Variants in KIF21A observed in about 807,000 individuals in gnomAD.
The protein encoded by KIF21A is kinesin family member 21A.
A neutral mutation model predicts 202.9 loss-of-function variants in KIF21A; 114 were observed. The ratio of observed to expected loss-of-function variants is 0.56; its 90% CI spans 0.48 to 0.66. KIF21A has a LOEUF of 0.66. Among genes scored for constraint, KIF21A ranks in the 30% least tolerant of loss-of-function variants. The pLI is 0.00. For synonymous variants in KIF21A, 667 were observed against 670.8 expected (o/e 0.99, Z 0.09); for missense variants, 1,677 against 1,994.9 (o/e 0.84, Z 3.04).
intron 8 of KIF21A, among the ~76,000 whole-genome samples, chr12:39,357,912 A>G (rs1213130834): frequency 9.0e-5 from 2 of 22,302 alleles, no homozygotes; most frequent in Non-Finnish European, 1.7e-4. Context: ...CCATCTCAAA[A>G]AAAAAAAAAA....
chr12:39,341,232 C>A, intron 14 of KIF21A, 138 bp from the exon 15 acceptor site: 2 of 784,130 alleles, frequency 2.6e-6, no homozygotes, highest in South Asian at 1.7e-5. Context: ...CCTGGAAAAA[C>A]CAACAACCAA....
intron 10 of KIF21A, 45 bp from the exon 11 acceptor site, chr12:39,352,025 G>A: frequency 1.5e-6 from 2 of 1,330,660 alleles, no homozygotes; most frequent in Non-Finnish European, 2.2e-6. Context: ...TTTTCTCTGT[G>A]GATAAAAATA....
rs556450607 is a variant in KIF21A at position 39,305,186 on chromosome 12, T to A, written c.4443-248A>T. Among the ~76,000 whole-genome samples the A allele has an allele frequency of 2.4e-3, 370 of 151,598 alleles. 1 individual carries two copies. Among genetic ancestry groups the A allele is most frequent in the South Asian group, 8.8e-3 (42 of 4,784 alleles). ...TTTGAGACCAGCCTGGCCAACATGGTGAAACCCCGTCTCTACTAAAAATAT... is the reference window on the plus strand; with the variant it reads ...TTTGAGACCAGCCTGGCCAACATGGAGAAACCCCGTCTCTACTAAAAATAT... On this transcript the variant is annotated intron_variant, in intron 34 of 37. Coordinates refer to ENST00000361418, the MANE Select transcript of KIF21A (RefSeq NM_001173464.2).
In KIF21A at chr12:39,293,578, T is replaced by TA. The variant is rs886049334; in HGVS notation, c.*845dup. ...TATTTAAAATATATTTAGCAGCATATAAAAAATTAGATAAAAGGGAAGGAA... is the reference window on the plus strand; with the variant it reads ...TATTTAAAATATATTTAGCAGCATATAAAAAAATTAGATAAAAGGGAAGGAA... On this transcript the variant is annotated 3_prime_UTR_variant, in exon 38 of 38. Coordinates refer to ENST00000361418, the MANE Select transcript of KIF21A (RefSeq NM_001173464.2). The TA allele has an allele frequency of 6.6e-6, 1 of 152,148 alleles. No individual in the cohort carries two copies. Among genetic ancestry groups the TA allele is most frequent in the African/African-American group, 2.4e-5 (1 of 41,294 alleles). 9.4% of individuals were successfully genotyped at this position (152,148 alleles called of 1,614,324 possible).
chr12:39,318,226 T>C, intron 28 of KIF21A, 25 bp from the exon 29 acceptor site: 1 of 1,609,274 alleles, frequency 6.2e-7, no homozygotes, highest in South Asian at 1.1e-5. Context: ...GAACATTAAG[T>C]AGGTGGCTTT....
chr12:39,363,081 T>C lies in KIF21A; in HGVS notation c.1019+17A>G. On this transcript the variant is annotated intron_variant, in intron 7 of 37. Coordinates refer to ENST00000361418, the MANE Select transcript of KIF21A (RefSeq NM_001173464.2). ...AATAATCAAAAGTCTGAGTAGAGGATAATCATCTATGCATACCTATTACCC... is the reference window on the plus strand; with the variant it reads ...AATAATCAAAAGTCTGAGTAGAGGACAATCATCTATGCATACCTATTACCC... 7.2e-7 allele frequency: 1 copy of C among 1,392,086 alleles called. No homozygotes were observed. The highest frequency in any genetic ancestry group is 1.0e-6 in the Non-Finnish European group (1 of 977,470). The allele number at this position is 1,392,086 out of a possible 1,614,324, so 86.2% of individuals were successfully genotyped here.
At chr12:39,427,371 G>A (rs1954847351) in intron 1 of KIF21A, among the ~76,000 whole-genome samples, 1 of 152,126 alleles carries the variant, frequency 6.6e-6, no homozygotes, top group Admixed American at 6.5e-5. Flanking sequence ...CAAAATGCCT[G>A]TAATATACTC....
chr12:39,358,871 C>G (rs1352965859), intron 7 of KIF21A, among the ~76,000 whole-genome samples: 1 of 151,768 alleles, frequency 6.6e-6, no homozygotes, highest in African/African-American at 2.4e-5. Flanking sequence ...TCATTTGTGA[C>G]TGAATGATCA....
At chr12:39,341,443 T>C in intron 14 of KIF21A, 62 bp downstream of exon 14, 1 of 1,499,556 alleles carries the variant, frequency 6.7e-7, no homozygotes, top group Non-Finnish European at 9.2e-7. Context: ...TTAAGAGTTT[T>C]CTGTCATGGT....
intron 11 of KIF21A, among the ~76,000 whole-genome samples, chr12:39,347,887 G>A (rs1232291736): frequency 6.6e-6 from 1 of 151,900 alleles, no homozygotes; most frequent in Non-Finnish European, 1.5e-5. Context: ...GATTTAATGT[G>A]TGAATGGTAA....
chr12:39,343,295 G>A (rs981552264), intron 12 of KIF21A, among the ~76,000 whole-genome samples: 5 of 151,974 alleles, frequency 3.3e-5, no homozygotes, highest in Admixed American at 1.3e-4. Context: ...GGGAGGTAGA[G>A]GTTGCAGTAA....
chr12:39,315,963 C>G lies in KIF21A; in HGVS notation c.3916G>C (p.Glu1306Gln). ...NTSVQQDKSD[E>Q]SDSSLSEVHR... ...ACCTCCGAGAGAGAGGAGTCACTTT[C>G]ATCAGACCTATAGTGAAAGAGTTAG... The change falls in exon 30 of 38, where the codon GAA (glutamate) becomes CAA (glutamine). Residue 1306 changes from glutamate (E) to glutamine (Q), a missense_variant. Around this residue, in one of 3 missense-constraint regions of KIF21A, gnomAD observed 705 missense variants for 791.9 expected, o/e 0.89. Transcript: ENST00000361418. The G allele has an allele frequency of 6.2e-7, 1 of 1,602,010 alleles. No homozygotes were observed. Among genetic ancestry groups the G allele is most frequent in the Non-Finnish European group, 8.6e-7 (1 of 1,169,412 alleles).
At chr12:39,323,982 C>A (rs530367657) in intron 26 of KIF21A, among the ~76,000 whole-genome samples, 1 of 151,904 alleles carries the variant, frequency 6.6e-6, no homozygotes, top group Admixed American at 6.6e-5. Flanking sequence ...TGGTGGCGGG[C>A]GCCTGTTGTC....
chr12:39,335,753 A>T (rs1013103085), intron 17 of KIF21A, among the ~76,000 whole-genome samples: 9 of 152,234 alleles, frequency 5.9e-5, no homozygotes, highest in African/African-American at 2.2e-4. Flanking sequence ...TGATTTCAGT[A>T]GGAACAAATC....
intron 1 of KIF21A, among the ~76,000 whole-genome samples, chr12:39,386,980 G>A (rs560230030): frequency 2.2e-4 from 33 of 152,014 alleles, no homozygotes; most frequent in Admixed American, 1.4e-3. Context: ...CCTAAGCATG[G>A]AGGTAACTGT....
rs192988109 is a variant in KIF21A, at chr12:39,320,912, G to T, written c.3672-899C>A. On this transcript the variant is annotated intron_variant, in intron 27 of 37. Transcript: ENST00000361418. ...ATCACATCACTGCACTCCAGTCTGGGCAACAGAGCAAGACTCTGCCAAAAA... is the reference window on the plus strand; with the variant it reads ...ATCACATCACTGCACTCCAGTCTGGTCAACAGAGCAAGACTCTGCCAAAAA... Among the ~76,000 whole-genome samples the T allele has an allele frequency of 3.8e-4, 43 of 112,150 alleles. 1 individual carries two copies. The East Asian group carries it at 0.012, about 31-fold the overall frequency. The allele number at this position is 112,150 out of a possible 152,430, so 73.6% of individuals were successfully genotyped here.
At chr12:39,324,471 T>C (rs531995533) in intron 26 of KIF21A, among the ~76,000 whole-genome samples, 9 of 152,364 alleles carry the variant, frequency 5.9e-5, no homozygotes, top group African/African-American at 2.2e-4. Context: ...ATTTGAGTTT[T>C]GGTAACTTCT....
At chr12:39,337,361 G>T in intron 16 of KIF21A, 158 bp from the exon 17 acceptor site, 11 of 614,730 alleles carry the variant, frequency 1.8e-5, no homozygotes, top group South Asian at 5.8e-5. Flanking sequence ...TATTTCTGTG[G>T]GATTCATATA....
chr12:39,405,292 C>T (rs1952494089), intron 1 of KIF21A, among the ~76,000 whole-genome samples: 1 of 151,984 alleles, frequency 6.6e-6, no homozygotes, highest in African/African-American at 2.4e-5. Flanking sequence ...GCAGAGGTAG[C>T]AGTGAGCCAA....
Sources: gnomAD v4.1 joint callset for allele counts (sites outside exome capture counted in the v4.1 genomes callset) on GRCh38, gnomAD v4.1.1 for gene constraint, gnomAD v4.1.1 regional missense constraint, MANE v1.5 for transcripts, NCBI Gene and HGNC (gene_info 2026-07-23, HGNC 2026-07-21) for gene names.